PCDH7: variants seen among roughly 807,000 people sequenced by gnomAD.
PCDH7 encodes the protein protocadherin 7.
A neutral mutation model predicts 58.9 loss-of-function variants in PCDH7; 17 were observed. The ratio of observed to expected loss-of-function variants is 0.29; its 90% CI spans 0.20 to 0.43. The LOEUF (loss-of-function observed/expected upper bound fraction) is 0.43. Ranked by LOEUF, PCDH7 falls within the 20% of genes least tolerant of loss-of-function variation. The probability of loss-of-function intolerance (pLI) is 1.00; values close to 1 mark genes in which losing one functional copy is unlikely to be tolerated. For synonymous variants in PCDH7, 664 were observed against 616.4 expected (o/e 1.08, Z -1.14); for missense variants, 1,274 against 1,441.0 (o/e 0.88, Z 1.88).
chr4:30,896,907 T>TTTTTTTTTTTTTTTTTTTTTTTTTC lies in PCDH7; in HGVS notation c.71-23231_71-23230insTTTTTTTTTCTTTTTTTTTTTTTTT, dbSNP rs1739482368. Among the ~76,000 whole-genome samples the TTTTTTTTTTTTTTTTTTTTTTTTTC allele has an allele frequency of 2.7e-5, 3 of 109,986 alleles. 1 individual carries two copies. Among genetic ancestry groups the TTTTTTTTTTTTTTTTTTTTTTTTTC allele is most frequent in the Non-Finnish European group, 5.6e-5 (3 of 53,614 alleles). 72.2% of individuals were successfully genotyped at this position (109,986 alleles called of 152,430 possible). ...TTCTTTGCTTTTTTTTTTTTTTTTT[T>TTTTTTTTTTTTTTTTTTTTTTTTTC]TTTTTTTTTTTTTTTGAGGTGGAGT... On this transcript the variant is annotated intron_variant, in intron 1 of 3. Transcript: ENST00000509759.
chr4:30,848,803 T>TA (rs1732332614), intron 1 of PCDH7, among the ~76,000 whole-genome samples: 1 of 152,080 alleles, frequency 6.6e-6, no homozygotes, highest in Admixed American at 6.6e-5. Context: ...TATCAGTACT[T>TA]ACAGCCAATG....
chr4:30,766,658 T>G (rs1720790246), intron 1 of PCDH7, among the ~76,000 whole-genome samples: 1 of 151,822 alleles, frequency 6.6e-6, no homozygotes. Context: ...CATATATATA[T>G]ATATATATGT....
chr4:30,745,762 GTTTA>G (rs1212562695), intron 1 of PCDH7, among the ~76,000 whole-genome samples: 1 of 151,828 alleles, frequency 6.6e-6, no homozygotes, highest in African/African-American at 2.4e-5. Flanking sequence ...AAATTACTCA[GTTTA>G]TTTGTGTGTG....
rs1452479966 is a variant in PCDH7, at chr4:30,834,499, C to T, written c.71-85654C>T. Among the ~76,000 whole-genome samples the T allele has an allele frequency of 2.0e-5, 3 of 152,124 alleles. No homozygotes were observed. In the South Asian group the frequency reaches 6.2e-4, roughly 32 times the overall value. On this transcript the variant is annotated intron_variant, in intron 1 of 3. Coordinates refer to the PCDH7 transcript ENST00000509759. Reference sequence around the variant, plus strand: ...CTGAGGTGCTTTGAACCACTTCACTCTCCTGCTTATTTGAGATAATGTCTT... The same window carrying T: ...CTGAGGTGCTTTGAACCACTTCACTTTCCTGCTTATTTGAGATAATGTCTT...
intron 3 of PCDH7, among the ~76,000 whole-genome samples, chr4:31,038,636 T>C (rs988173043): frequency 3.9e-5 from 6 of 152,222 alleles, no homozygotes; most frequent in Non-Finnish European, 8.8e-5. Context: ...ATATATTCTG[T>C]GACTTGATTT....
At chr4:31,032,668 A>AAGGC in intron 3 of PCDH7, among the ~76,000 whole-genome samples, 1 of 71,174 alleles carries the variant, frequency 1.4e-5, no homozygotes, top group Admixed American at 1.5e-4. Context: ...GGAAGGAAGG[A>AAGGC]AGGGAGGGAG....
intron 3 of PCDH7, among the ~76,000 whole-genome samples, chr4:30,990,990 G>A (rs921036384): frequency 6.6e-6 from 1 of 152,076 alleles, no homozygotes; most frequent in Non-Finnish European, 1.5e-5. Flanking sequence ...AGGAAGAGAA[G>A]TATTCCATTT....
At chr4:30,943,218 C>T (rs1746267692) in intron 2 of PCDH7, among the ~76,000 whole-genome samples, 1 of 152,112 alleles carries the variant, frequency 6.6e-6, no homozygotes, top group East Asian at 1.9e-4. Flanking sequence ...TTATAAACTT[C>T]AGTCCTCTCT....
At chr4:30,930,629 A>G (rs1744454641) in intron 2 of PCDH7, among the ~76,000 whole-genome samples, 1 of 152,134 alleles carries the variant, frequency 6.6e-6, no homozygotes. Context: ...GTGACTGTGA[A>G]ATATATTAAA....
At chr4:30,889,974 C>T (rs1454526123) in intron 1 of PCDH7, among the ~76,000 whole-genome samples, 3 of 152,054 alleles carry the variant, frequency 2.0e-5, no homozygotes, top group African/African-American at 7.2e-5. Flanking sequence ...TAAGGAATTG[C>T]CAGACAATTG....
At position 30,722,749 on chromosome 4, in the gene PCDH7, G is replaced by A; in HGVS notation, c.1327G>A (p.Ala443Thr). ...GGACGTTCTGGTCGACACCCCCATCGCTCTGGTGCAGGTGTCCGACCGAGA... is the reference window on the plus strand; with the variant it reads ...GGACGTTCTGGTCGACACCCCCATCACTCTGGTGCAGGTGTCCGACCGAGA... The change falls in exon 1 of 2, where the codon GCT (alanine) becomes ACT (threonine). Residue 443 changes from alanine to threonine, a missense_variant. Physicochemically the swap from Ala to Thr is moderately conservative, Grantham distance 58. Transcript: ENST00000361762. The surrounding 1 kb of genome is among the most constrained non-coding windows in gnomAD (Gnocchi z 7.6). 4 of 1,613,474 alleles carry A rather than the reference G, an allele frequency of 2.5e-6. No homozygotes were observed. Among genetic ancestry groups the A allele is most frequent in the Non-Finnish European group, 3.4e-6 (4 of 1,180,002 alleles).
At chr4:31,142,690 C>T (rs1282052697) in exon 4 of PCDH7, 3 of 1,367,672 alleles carry the variant, frequency 2.2e-6, no homozygotes, top group Non-Finnish European at 9.8e-7. Flanking sequence ...GCAACAGAAA[C>T]CTCCTGAACA....
intron 3 of PCDH7, among the ~76,000 whole-genome samples, chr4:30,951,696 C>T (rs1747387784): frequency 1.3e-5 from 2 of 152,074 alleles, no homozygotes; most frequent in South Asian, 4.1e-4. Context: ...GATTCATCCA[C>T]ACAAAGAAAC....
downstream of PCDH7, among the ~76,000 whole-genome samples, chr4:30,736,651 T>A (rs1009978682): frequency 1.3e-5 from 2 of 151,494 alleles, no homozygotes; most frequent in Non-Finnish European, 2.9e-5. Flanking sequence ...TTCTCCTGCC[T>A]CAGCCTCCCG....
At chr4:30,946,854 C>T (rs568810117) in intron 2 of PCDH7, among the ~76,000 whole-genome samples, 4 of 151,886 alleles carry the variant, frequency 2.6e-5, no homozygotes, top group South Asian at 2.1e-4. Flanking sequence ...GGATTACAGG[C>T]GCCCACCACC....
chr4:30,864,306 A>G (rs192032761), intron 1 of PCDH7, among the ~76,000 whole-genome samples: 6 of 152,132 alleles, frequency 3.9e-5, no homozygotes, highest in Admixed American at 3.9e-4. Flanking sequence ...AACCCATAAT[A>G]GCAATATTAA....
At chr4:30,837,094 T>C (rs1730572427) in intron 1 of PCDH7, among the ~76,000 whole-genome samples, 1 of 152,056 alleles carries the variant, frequency 6.6e-6, no homozygotes, top group Non-Finnish European at 1.5e-5. Flanking sequence ...GAACTGCATC[T>C]TGTGTCTTTT....
chr4:30,898,863 T>C (rs1739819514), intron 1 of PCDH7, among the ~76,000 whole-genome samples: 1 of 152,190 alleles, frequency 6.6e-6, no homozygotes. Context: ...AGTGCTGGGA[T>C]TACAGGCGTG....
intron 3 of PCDH7, among the ~76,000 whole-genome samples, chr4:31,072,378 G>A (rs1029850596): frequency 1.3e-5 from 2 of 152,022 alleles, no homozygotes; most frequent in African/African-American, 4.8e-5. Flanking sequence ...TAAATGTATA[G>A]ATGTGTAAAG....
Sources: gnomAD v4.1 joint callset for allele counts (sites outside exome capture counted in the v4.1 genomes callset) on GRCh38, gnomAD v4.1.1 for gene constraint, Gnocchi (gnomAD v3.1) non-coding constraint, MANE v1.5 for transcripts, NCBI Gene and HGNC (gene_info 2026-07-23, HGNC 2026-07-21) for gene names.